EPB41L4A: variants seen among roughly 807,000 people sequenced by gnomAD.
EPB41L4A encodes the protein band 4.1-like protein 4A.
EPB41L4A carries 100 observed loss-of-function variants against 108.6 expected under a neutral mutation model. The ratio of observed to expected loss-of-function variants is 0.92; its 90% CI spans 0.78 to 1.09. The LOEUF is 1.09. Ranked by LOEUF, EPB41L4A falls within the 50% of genes least tolerant of loss-of-function variation. The pLI, the probability that EPB41L4A is intolerant of heterozygous loss-of-function variation, is 0.00. For missense variants in EPB41L4A, 1,030 were observed against 842.7 expected, an observed-to-expected ratio of 1.22 and a Z score of -2.75; for synonymous variants, 319 against 289.0, an observed-to-expected ratio of 1.10 and a Z score of -1.05.
intron 1 of EPB41L4A, among the ~76,000 whole-genome samples, chr5:112,354,163 G>A (rs1042161936): frequency 6.6e-6 from 1 of 152,194 alleles, no homozygotes; most frequent in Admixed American, 6.5e-5. Flanking sequence ...GCATTGATGT[G>A]TATACAAAGG....
chr5:112,241,478 A>G (rs912642022), intron 9 of EPB41L4A, among the ~76,000 whole-genome samples: 2 of 152,208 alleles, frequency 1.3e-5, no homozygotes, highest in Non-Finnish European at 2.9e-5. Context: ...AACAACATTG[A>G]AGGTACAAAT....
intron 21 of EPB41L4A, 48 bp downstream of exon 21, chr5:112,168,947 T>TG (rs2150198439): frequency 6.6e-7 from 1 of 1,522,638 alleles, no homozygotes; most frequent in East Asian, 2.3e-5. Context: ...TAGACTGCAC[T>TG]GTTTTGGAGC....
rs772922813 is a variant in EPB41L4A at position 112,264,964 on chromosome 5, C to T, written c.486G>A (p.Glu162=). Residue 162 remains glutamate, a synonymous_variant, in exon 6 of 23, where the codon GAG becomes GAA. Coordinates refer to ENST00000261486, the MANE Select transcript of EPB41L4A (RefSeq NM_022140.5). ...PYKHTAGYVS[E]YRFVPDQKEE... ...CCTTCTGATCAGGAACAAACCGGTA[C>T]TCAGATACATATCCTGCAGTATGTT... 10 of 1,611,774 alleles carry T rather than the reference C, an allele frequency of 6.2e-6. No individual in the cohort carries two copies. The highest frequency in any genetic ancestry group is 5.9e-6 in the Non-Finnish European group (7 of 1,179,008).
chr5:112,351,824 C>T (rs369084495), intron 1 of EPB41L4A, among the ~76,000 whole-genome samples: 1 of 152,142 alleles, frequency 6.6e-6, no homozygotes, highest in Admixed American at 6.5e-5. Context: ...TTCTCCTAGG[C>T]ATGCAAGGAT....
intron 4 of EPB41L4A, among the ~76,000 whole-genome samples, chr5:112,273,983 T>C (rs1423788356): frequency 6.6e-6 from 1 of 152,128 alleles, no homozygotes; most frequent in Non-Finnish European, 1.5e-5. Context: ...TGCAGACATC[T>C]GCTTGGTTCT....
chr5:112,282,197 A>T (rs1165990111), intron 2 of EPB41L4A, among the ~76,000 whole-genome samples: 3 of 152,182 alleles, frequency 2.0e-5, no homozygotes, highest in Admixed American at 6.6e-5. Flanking sequence ...AGTGTAGCTC[A>T]TTCAAGTAGA....
At chr5:112,252,277 A>C (rs1750733941) in intron 9 of EPB41L4A, among the ~76,000 whole-genome samples, 1 of 152,138 alleles carries the variant, frequency 6.6e-6, no homozygotes, top group Admixed American at 6.6e-5. Context: ...GTGTGTATAT[A>C]TGAAAGCATT....
intron 1 of EPB41L4A, among the ~76,000 whole-genome samples, chr5:112,361,931 C>G (rs1283491188): frequency 6.6e-6 from 1 of 152,078 alleles, no homozygotes; most frequent in Non-Finnish European, 1.5e-5. Context: ...ATAAGAGAAT[C>G]TAATTCTAAA....
chr5:112,211,322 G>A (rs1253819304), intron 12 of EPB41L4A, among the ~76,000 whole-genome samples: 2 of 152,106 alleles, frequency 1.3e-5, no homozygotes, highest in Non-Finnish European at 1.5e-5. Flanking sequence ...AGTGGCTCAC[G>A]CCTGTCATCC....
chr5:112,369,329 G>T (rs1759337458), intron 1 of EPB41L4A, among the ~76,000 whole-genome samples: 1 of 152,112 alleles, frequency 6.6e-6, no homozygotes, highest in South Asian at 2.1e-4. Context: ...ACAGCTTCCT[G>T]CCTCTAGTTT....
intron 9 of EPB41L4A, among the ~76,000 whole-genome samples, chr5:112,247,886 AC>A (rs1211930003): frequency 1.3e-5 from 2 of 152,324 alleles, no homozygotes; most frequent in African/African-American, 4.8e-5. Flanking sequence ...ATCACAGGAT[AC>A]CTAACTTTTA....
At chr5:112,259,126 T>C in intron 9 of EPB41L4A, 103 bp downstream of exon 9, 3 of 878,096 alleles carry the variant, frequency 3.4e-6, no homozygotes, top group Non-Finnish European at 5.6e-6. Flanking sequence ...TGGTTCCATG[T>C]GGAAGCAGCT....
chr5:112,410,842 C>T (rs1040764294), intron 1 of EPB41L4A, among the ~76,000 whole-genome samples: 1 of 152,192 alleles, frequency 6.6e-6, no homozygotes, highest in Admixed American at 6.5e-5. Flanking sequence ...CTATTACTAT[C>T]CTACATATTG....
chr5:112,385,937 T>C (rs1295631734), intron 1 of EPB41L4A, among the ~76,000 whole-genome samples: 1 of 152,202 alleles, frequency 6.6e-6, no homozygotes, highest in Non-Finnish European at 1.5e-5. Context: ...TCCTCTAAGG[T>C]TTACTGTTTC....
chr5:112,198,511 T>C (rs896368226), intron 15 of EPB41L4A, among the ~76,000 whole-genome samples: 5 of 152,246 alleles, frequency 3.3e-5, no homozygotes, highest in African/African-American at 1.2e-4. Context: ...GCTTAGTGGG[T>C]TCTTCTCTAT....
intron 15 of EPB41L4A, among the ~76,000 whole-genome samples, chr5:112,198,615 G>C (rs936816023): frequency 6.6e-6 from 1 of 151,916 alleles, no homozygotes; most frequent in Non-Finnish European, 1.5e-5. Flanking sequence ...CTTAGAAATT[G>C]TATTAGTTGA....
chr5:112,222,836 T>C (rs1008137700), intron 12 of EPB41L4A, among the ~76,000 whole-genome samples: 2 of 152,050 alleles, frequency 1.3e-5, no homozygotes, highest in Non-Finnish European at 2.9e-5. Context: ...AAGTCCACTG[T>C]TACAGAGGGC....
At chr5:112,269,239 T>C (rs1752088710) in intron 4 of EPB41L4A, among the ~76,000 whole-genome samples, 1 of 152,090 alleles carries the variant, frequency 6.6e-6, no homozygotes, top group Non-Finnish European at 1.5e-5. Flanking sequence ...CTTTTAAAGA[T>C]ATCACAGATC....
At chr5:112,417,806 C>T (rs1482824068) in intron 1 of EPB41L4A, among the ~76,000 whole-genome samples, 2 of 152,108 alleles carry the variant, frequency 1.3e-5, no homozygotes, top group Non-Finnish European at 2.9e-5. Context: ...CTCCTTTCTC[C>T]CGCAAAAGAA....
Sources: allele counts gnomAD v4.1 joint callset (sites outside exome capture counted in the v4.1 genomes callset), GRCh38; gene constraint gnomAD v4.1.1; transcripts MANE v1.5; gene names NCBI Gene and HGNC (gene_info 2026-07-23, HGNC 2026-07-21).